The following PPP2R5A variants were observed in gnomAD, a reference collection of about 807,000 sequenced individuals.
PPP2R5A encodes the protein serine/threonine-protein phosphatase 2A 56 kDa regulatory subunit alpha isoform.
PPP2R5A carries 25 observed loss-of-function variants against 64.2 expected under a neutral mutation model. The ratio of observed to expected loss-of-function variants is 0.39; its 90% confidence interval spans 0.28 to 0.54. The LOEUF is 0.54. Ranked by LOEUF, PPP2R5A falls within the 20% of genes least tolerant of loss-of-function variation. The pLI is 0.67. For missense variants in PPP2R5A, 425 were observed against 576.3 expected (o/e 0.74, Z 2.69); for synonymous variants, 198 against 201.2 (o/e 0.98, Z 0.13).
At chr1:212,347,277 C>T (rs539478840) in intron 5 of PPP2R5A, 70 bp from the exon 6 acceptor site, 1 of 1,111,836 alleles carries the variant, frequency 9.0e-7, no homozygotes, top group African/African-American at 1.6e-5. Context: ...ATTTCTTCAC[C>T]CTCCTGCCTG....
chr1:212,318,852 G>C (rs1659207782), intron 1 of PPP2R5A, among the ~76,000 whole-genome samples: 2 of 152,152 alleles, frequency 1.3e-5, no homozygotes, highest in South Asian at 4.1e-4. Context: ...TATACAGGAG[G>C]CTATGCATAG....
chr1:212,289,195 TAAA>T (rs1658559052), intron 1 of PPP2R5A, among the ~76,000 whole-genome samples: 1 of 152,214 alleles, frequency 6.6e-6, no homozygotes, highest in South Asian at 2.1e-4. Flanking sequence ...TATTTTACCT[TAAA>T]AATTTTCTTA....
At chr1:212,317,960 A>T (rs944269735) in intron 1 of PPP2R5A, among the ~76,000 whole-genome samples, 26 of 149,762 alleles carry the variant, frequency 1.7e-4, no homozygotes, top group East Asian at 3.9e-4. Flanking sequence ...AAAAAAAATT[A>T]AAAAAAAAAG....
chr1:212,319,534 C>G (rs1254034256), intron 1 of PPP2R5A: 1 of 151,904 alleles, frequency 6.6e-6, no homozygotes, highest in South Asian at 2.1e-4. Context: ...AACGGAGAAG[C>G]TGAAGAATAA....
Position 212,286,004 on chromosome 1 carries a change from A to C in PPP2R5A, c.-107A>C, listed in dbSNP as rs1658489041. Reference sequence around the variant, plus strand: ...CCGGAGGGCCGTGGGGCCGGGGCGCAGGGGCGCGAGCACCCCGCGCCTCTC... The same window carrying C: ...CCGGAGGGCCGTGGGGCCGGGGCGCCGGGGCGCGAGCACCCCGCGCCTCTC... On this transcript the variant is annotated 5_prime_UTR_variant, in exon 1 of 13. Transcript: ENST00000261461. 8.4e-7 allele frequency: 1 copy of C among 1,191,764 alleles called. No homozygotes were observed. 73.8% of individuals were successfully genotyped at this position (1,191,764 alleles called of 1,614,324 possible).
In PPP2R5A at chr1:212,339,992, T is replaced by TAAAAAAAAAAAAAAAAAAA. The variant is rs67654928; in HGVS notation, c.481-2190_481-2172dup. Among the ~76,000 whole-genome samples, 2 of 72,738 alleles carry TAAAAAAAAAAAAAAAAAAA rather than the reference T, an allele frequency of 2.7e-5. 1 individual carries two copies. The allele number at this position is 72,738 out of a possible 152,430, so 47.7% of individuals were successfully genotyped here. On this transcript the variant is annotated intron_variant, in intron 3 of 12. Transcript: ENST00000261461. ...TCTCTTCATCTCAAGACATGCTGCT[T>TAAAAAAAAAAAAAAAAAAA]AAAAAAAAAAAAAAAAAAAAAAAAG...
intron 2 of PPP2R5A, 27 bp from the exon 3 acceptor site, chr1:212,333,470 G>A (rs200339325): frequency 3.2e-5 from 45 of 1,389,422 alleles, no homozygotes; most frequent in East Asian, 2.5e-4. Context: ...ATACAACAAC[G>A]AACGTAAAAT....
At position 212,358,701 on chromosome 1, in the gene PPP2R5A, G is replaced by A. The variant is rs774276691; in HGVS notation, c.1242G>A (p.Leu414=). Residue 414 remains leucine, a synonymous_variant, in exon 12 of 13, where the codon CTG becomes CTA. Transcript: ENST00000261461. ...TTCATTTCAGGACCATTGTAGCACT[G>A]GTATACAATGTGCTGAAAACCCTAA... ...KEHWNPTIVA[L]VYNVLKTLME... 6 of 1,612,606 alleles carry A rather than the reference G, an allele frequency of 3.7e-6. No individual in the cohort carries two copies. Among genetic ancestry groups the A allele is most frequent in the South Asian group, 1.1e-5 (1 of 90,970 alleles).
At chr1:212,309,120 C>G in intron 1 of PPP2R5A, 1 of 1,005,540 alleles carries the variant, frequency 9.9e-7, no homozygotes, top group South Asian at 1.3e-5. Context: ...ATGCCTTCTT[C>G]TCTCCATCAG....
intron 1 of PPP2R5A, among the ~76,000 whole-genome samples, chr1:212,301,411 TTTAG>T (rs1397138257): frequency 2.0e-5 from 3 of 152,350 alleles, no homozygotes; most frequent in Admixed American, 6.5e-5. Context: ...TCTTGAAAGT[TTTAG>T]TTAGTATTGT....
intron 3 of PPP2R5A, among the ~76,000 whole-genome samples, chr1:212,335,659 C>T (rs1046550187): frequency 6.6e-6 from 1 of 152,082 alleles, no homozygotes; most frequent in Non-Finnish European, 1.5e-5. Flanking sequence ...TAAGATCTTT[C>T]AGCACATTAG....
At chr1:212,321,784 G>A (rs1659300335) in intron 1 of PPP2R5A, among the ~76,000 whole-genome samples, 1 of 151,822 alleles carries the variant, frequency 6.6e-6, no homozygotes, top group African/African-American at 2.4e-5. Context: ...CCCAGACGGG[G>A]TGGCCGCCGG....
At chr1:212,306,451 A>C (rs1012578562) in intron 1 of PPP2R5A, among the ~76,000 whole-genome samples, 1 of 152,162 alleles carries the variant, frequency 6.6e-6, no homozygotes, top group Non-Finnish European at 1.5e-5. Flanking sequence ...AACAAAACAG[A>C]CTTTAAAAAT....
chr1:212,295,306 A>G (rs1322852212), intron 1 of PPP2R5A, among the ~76,000 whole-genome samples: 2 of 152,196 alleles, frequency 1.3e-5, no homozygotes, highest in African/African-American at 4.8e-5. Context: ...ATACATTTCT[A>G]ACTTGGGCAA....
intron 12 of PPP2R5A, among the ~76,000 whole-genome samples, chr1:212,359,370 A>C (rs1363933748): frequency 6.6e-6 from 1 of 152,228 alleles, no homozygotes; most frequent in Admixed American, 6.5e-5. Context: ...GATATGGCTT[A>C]GGGTACTATT....
chr1:212,352,268 G>GT (rs990613970), intron 8 of PPP2R5A, among the ~76,000 whole-genome samples: 2 of 151,688 alleles, frequency 1.3e-5, no homozygotes, highest in African/African-American at 4.8e-5. Context: ...AGATCAGGCA[G>GT]TGTGCCTTCC....
At chr1:212,317,269 G>C (rs1377335131) in intron 1 of PPP2R5A, among the ~76,000 whole-genome samples, 1 of 152,124 alleles carries the variant, frequency 6.6e-6, no homozygotes, top group Non-Finnish European at 1.5e-5. Flanking sequence ...TCTCATTTTA[G>C]AGGGAAGGGG....
intron 8 of PPP2R5A, chr1:212,352,879 G>A (rs764280716): frequency 3.9e-6 from 2 of 519,234 alleles, no homozygotes; most frequent in East Asian, 5.4e-5. Context: ...GAAGCCAAGA[G>A]TGACAGTTTT....
chr1:212,295,291 C>T (rs1251824567), intron 1 of PPP2R5A, among the ~76,000 whole-genome samples: 3 of 151,856 alleles, frequency 2.0e-5, no homozygotes, highest in Non-Finnish European at 2.9e-5. Context: ...GAACAATCAA[C>T]GATGATACAT....
Sources: gnomAD v4.1 joint callset for allele counts (sites outside exome capture counted in the v4.1 genomes callset) on GRCh38, gnomAD v4.1.1 for gene constraint, MANE v1.5 for transcripts, NCBI Gene and HGNC (gene_info 2026-07-23, HGNC 2026-07-21) for gene names.